The following UNC5D variants were observed in gnomAD, a reference collection of about 807,000 sequenced individuals.
UNC5D encodes unc-5 netrin receptor D.
UNC5D carries 39 observed loss-of-function variants against 105.4 expected under a neutral mutation model. The observed-to-expected ratio is 0.37, with a 90% CI of 0.29 to 0.48. The LOEUF (loss-of-function observed/expected upper bound fraction) is 0.48, where lower values mean the gene tolerates loss of function less well. Among genes scored for constraint, UNC5D ranks in the 20% least tolerant of loss-of-function variants. The pLI is 0.98. For synonymous variants in UNC5D, 452 were observed against 450.4 expected, an observed-to-expected ratio of 1.00 and a Z score of -0.04; for missense variants, 991 against 1,202.4, an observed-to-expected ratio of 0.82 and a Z score of 2.60.
At chr8:35,497,163 ATCT>A (rs1288930406) in intron 1 of UNC5D, among the ~76,000 whole-genome samples, 2 of 152,208 alleles carry the variant, frequency 1.3e-5, no homozygotes, top group Non-Finnish European at 2.9e-5. Context: ...AAAGAGGATG[ATCT>A]AATGGCCATG....
chr8:35,602,592 T>A (rs1819965547), intron 4 of UNC5D, among the ~76,000 whole-genome samples: 1 of 152,266 alleles, frequency 6.6e-6, no homozygotes, highest in African/African-American at 2.4e-5. Flanking sequence ...TGCATAGAGG[T>A]GTTTATAGTA....
At chr8:35,347,765 C>T (rs996354881) in intron 1 of UNC5D, among the ~76,000 whole-genome samples, 4 of 151,934 alleles carry the variant, frequency 2.6e-5, no homozygotes, top group Admixed American at 2.0e-4. Flanking sequence ...GTGTATTCCT[C>T]ATTTGTGATT....
At chr8:35,701,268 C>CA (rs1827177485) in intron 7 of UNC5D, among the ~76,000 whole-genome samples, 1 of 152,140 alleles carries the variant, frequency 6.6e-6, no homozygotes, top group South Asian at 2.1e-4. Context: ...ATGCAGTATT[C>CA]AAAACCAGTG....
At chr8:35,252,053 TCACTGTTGCC>T (rs1303697368) in intron 1 of UNC5D, among the ~76,000 whole-genome samples, 1 of 142,440 alleles carries the variant, frequency 7.0e-6, no homozygotes, top group Non-Finnish European at 1.5e-5. Flanking sequence ...AGATGGAGTC[TCACTGTTGCC>T]CAGGCTGGAG....
chr8:35,766,145 T>C (rs975247670), intron 14 of UNC5D, among the ~76,000 whole-genome samples: 1 of 152,186 alleles, frequency 6.6e-6, no homozygotes, highest in Non-Finnish European at 1.5e-5. Context: ...GTTGTCCATA[T>C]GTCCCCTGAG....
chr8:35,779,321 T>C (rs1258238299), intron 16 of UNC5D, among the ~76,000 whole-genome samples: 1 of 152,186 alleles, frequency 6.6e-6, no homozygotes, highest in African/African-American at 2.4e-5. Flanking sequence ...ACTTCCATAG[T>C]GCTTTGTATT....
At chr8:35,595,287 G>GT (rs938662882) in intron 3 of UNC5D, among the ~76,000 whole-genome samples, 13 of 151,084 alleles carry the variant, frequency 8.6e-5, no homozygotes, top group East Asian at 1.9e-4. Context: ...GGTGTTCTGT[G>GT]TTTTTTTTTC....
intron 1 of UNC5D, among the ~76,000 whole-genome samples, chr8:35,538,406 T>C (rs1448856911): frequency 2.5e-5 from 1 of 40,710 alleles, no homozygotes; most frequent in East Asian, 6.5e-4. Flanking sequence ...TATATATATA[T>C]ATATATATAT....
intron 16 of UNC5D, among the ~76,000 whole-genome samples, chr8:35,776,591 A>G (rs1252699611): frequency 6.6e-6 from 1 of 152,168 alleles, no homozygotes; most frequent in East Asian, 1.9e-4. Context: ...GTCTGGGGCC[A>G]TAAAACCTGA....
intron 1 of UNC5D, among the ~76,000 whole-genome samples, chr8:35,422,867 T>A (rs1806006165): frequency 6.6e-6 from 1 of 152,176 alleles, no homozygotes; most frequent in Admixed American, 6.5e-5. Flanking sequence ...GTGCTCCCCC[T>A]AGTCTATGTG....
intron 1 of UNC5D, among the ~76,000 whole-genome samples, chr8:35,356,918 G>A (rs1801588333): frequency 1.3e-5 from 2 of 152,066 alleles, no homozygotes; most frequent in African/African-American, 4.8e-5. Flanking sequence ...GACTGGGATG[G>A]CATGAGATTT....
chr8:35,386,206 G>T (rs1322146705), intron 1 of UNC5D, among the ~76,000 whole-genome samples: 1 of 152,072 alleles, frequency 6.6e-6, no homozygotes, highest in Non-Finnish European at 1.5e-5. Flanking sequence ...TCCTGTCACT[G>T]ATTTTTTTAA....
chr8:35,730,647 T>A (rs544419858), intron 10 of UNC5D, among the ~76,000 whole-genome samples: 1 of 152,254 alleles, frequency 6.6e-6, no homozygotes, highest in East Asian at 1.9e-4. Context: ...GAGATATACA[T>A]TTTTTTAAAT....
chr8:35,687,643 A>G (rs1826104144), intron 7 of UNC5D, among the ~76,000 whole-genome samples: 2 of 152,112 alleles, frequency 1.3e-5, no homozygotes, highest in South Asian at 2.1e-4. Flanking sequence ...GGGAGGGTCA[A>G]CTAGAGTCAA....
intron 1 of UNC5D, among the ~76,000 whole-genome samples, chr8:35,506,822 C>A: frequency 6.6e-6 from 1 of 152,240 alleles, no homozygotes; most frequent in African/African-American, 2.4e-5. Context: ...CGTGGAAAAG[C>A]CCTGTGAATC....
At chr8:35,361,513 A>G (rs1801849991) in intron 1 of UNC5D, among the ~76,000 whole-genome samples, 1 of 152,162 alleles carries the variant, frequency 6.6e-6, no homozygotes, top group African/African-American at 2.4e-5. Context: ...CAGGAAGTCA[A>G]CTCGGAATGC....
chr8:35,344,352 C>A (rs1416460356), intron 1 of UNC5D, among the ~76,000 whole-genome samples: 1 of 151,994 alleles, frequency 6.6e-6, no homozygotes, highest in African/African-American at 2.4e-5. Context: ...TCCATGATCT[C>A]CATGATTCTG....
intron 16 of UNC5D, among the ~76,000 whole-genome samples, chr8:35,775,353 A>G (rs1802197135): frequency 6.6e-6 from 1 of 152,160 alleles, no homozygotes; most frequent in African/African-American, 2.4e-5. Flanking sequence ...CTGCACTAAC[A>G]TTTGTAGTTG....
chr8:35,542,701 C>T (rs1815363346), intron 1 of UNC5D, among the ~76,000 whole-genome samples: 1 of 152,124 alleles, frequency 6.6e-6, no homozygotes. Context: ...TTTCACCTAA[C>T]AGAATTTTAC....
Sources: allele counts gnomAD v4.1 joint callset (sites outside exome capture counted in the v4.1 genomes callset), GRCh38; gene constraint gnomAD v4.1.1; transcripts MANE v1.5; gene names NCBI Gene and HGNC (gene_info 2026-07-23, HGNC 2026-07-21).